DLC1: variants seen among roughly 807,000 people sequenced by gnomAD.
DLC1 encodes DLC1 Rho GTPase activating protein.
In DLC1, 54 loss-of-function variants were observed where a neutral mutation model predicts 140.3. That is an observed-to-expected ratio of 0.38 (90% CI 0.31 to 0.48). The LOEUF (loss-of-function observed/expected upper bound fraction) is 0.48, where lower values mean the gene tolerates loss of function less well. Ranked by LOEUF, DLC1 falls within the 20% of genes least tolerant of loss-of-function variation. DLC1 has a pLI of 0.96. For synonymous variants in DLC1, 986 were observed against 728.1 expected, an observed-to-expected ratio of 1.35 and a Z score of -5.70; for missense variants, 2,536 against 1,907.0, an observed-to-expected ratio of 1.33 and a Z score of -6.14.
chr8:13,308,410 A>G (rs1832543086), intron 4 of DLC1, among the ~76,000 whole-genome samples: 1 of 152,208 alleles, frequency 6.6e-6, no homozygotes, highest in Non-Finnish European at 1.5e-5. Flanking sequence ...CATAGTGATA[A>G]CAGGTGGATA....
intron 5 of DLC1, among the ~76,000 whole-genome samples, chr8:13,159,457 G>A (rs886562935): frequency 6.6e-6 from 1 of 152,176 alleles, no homozygotes; most frequent in African/African-American, 2.4e-5. Flanking sequence ...TTTTCCAAGG[G>A]TGGAGAGAGG....
chr8:13,270,516 A>G (rs2117378512), intron 5 of DLC1, among the ~76,000 whole-genome samples: 1 of 152,228 alleles, frequency 6.6e-6, no homozygotes, highest in East Asian at 1.9e-4. Flanking sequence ...GCAGGTCCCA[A>G]CGTGCTTAGG....
chr8:13,457,440 A>G (rs1799445867), intron 2 of DLC1, among the ~76,000 whole-genome samples: 1 of 152,052 alleles, frequency 6.6e-6, no homozygotes, highest in Non-Finnish European at 1.5e-5. Flanking sequence ...GCACTTTGAG[A>G]GGCCGAGGCA....
At chr8:13,114,488 A>G (rs1470128523) in intron 6 of DLC1, among the ~76,000 whole-genome samples, 1 of 152,250 alleles carries the variant, frequency 6.6e-6, no homozygotes, top group Non-Finnish European at 1.5e-5. Context: ...GGCACTGATA[A>G]GAAAATGAGA....
At chr8:13,098,129 G>A (rs571161573) in intron 10 of DLC1, among the ~76,000 whole-genome samples, 1 of 151,750 alleles carries the variant, frequency 6.6e-6, no homozygotes, top group South Asian at 2.1e-4. Flanking sequence ...GGAGCCTCAG[G>A]TGGGAGAATC....
chr8:13,593,845 A>G (rs536071837), intron 1 of DLC1, among the ~76,000 whole-genome samples: 4 of 152,286 alleles, frequency 2.6e-5, no homozygotes, highest in Admixed American at 2.0e-4. Context: ...GATTTCATCT[A>G]TGTGGGTGTT....
chr8:13,122,029 C>T (rs1390986783), intron 5 of DLC1, among the ~76,000 whole-genome samples: 5 of 152,120 alleles, frequency 3.3e-5, no homozygotes, highest in Admixed American at 6.5e-5. Context: ...GACTTTTTCA[C>T]CCTTGGATTA....
intron 5 of DLC1, among the ~76,000 whole-genome samples, chr8:13,260,758 G>A (rs1166755667): frequency 3.3e-5 from 5 of 152,120 alleles, no homozygotes; most frequent in Non-Finnish European, 7.3e-5. Flanking sequence ...ATAATTTAGA[G>A]ATAGCTTAAG....
intron 5 of DLC1, among the ~76,000 whole-genome samples, chr8:13,163,982 G>A (rs576085014): frequency 4.6e-4 from 70 of 151,510 alleles, no homozygotes; most frequent in Non-Finnish European, 8.2e-4. Context: ...CAGCCTGGAT[G>A]ACAGAGGAGA....
intron 5 of DLC1, among the ~76,000 whole-genome samples, chr8:13,264,678 G>A (rs1388444031): frequency 3.3e-5 from 5 of 152,116 alleles, no homozygotes; most frequent in Non-Finnish European, 5.9e-5. Flanking sequence ...TAAGTTAGTG[G>A]TAGATACATG....
chr8:13,446,128 T>TC (rs955321601), intron 2 of DLC1, among the ~76,000 whole-genome samples: 10 of 151,736 alleles, frequency 6.6e-5, no homozygotes, highest in Non-Finnish European at 1.0e-4. Flanking sequence ...CAAAGAACTC[T>TC]CCCCCCCTCT....
intron 5 of DLC1, chr8:13,116,324 G>C (rs1360019184): frequency 1.3e-6 from 1 of 773,078 alleles, no homozygotes; most frequent in African/African-American, 1.9e-5. Flanking sequence ...AGATAGAATC[G>C]ATAAACAGAA....
At chr8:13,470,040 T>C (rs1164428567) in intron 2 of DLC1, among the ~76,000 whole-genome samples, 2 of 152,168 alleles carry the variant, frequency 1.3e-5, no homozygotes. Flanking sequence ...TAACAATAAA[T>C]TCCCTTGTGC....
intron 2 of DLC1, among the ~76,000 whole-genome samples, chr8:13,452,010 C>T (rs1194375926): frequency 1.3e-5 from 2 of 151,998 alleles, no homozygotes; most frequent in Non-Finnish European, 2.9e-5. Flanking sequence ...GTTCTATTGG[C>T]TATTTTTTTA....
chr8:13,177,077 T>C (rs1025441535), intron 5 of DLC1, among the ~76,000 whole-genome samples: 2 of 152,236 alleles, frequency 1.3e-5, no homozygotes, highest in Admixed American at 6.5e-5. Context: ...ACCAAGTGTT[T>C]ACATTTCTTA....
chr8:13,156,621 G>A (rs950694477), intron 5 of DLC1, among the ~76,000 whole-genome samples: 1 of 152,164 alleles, frequency 6.6e-6, no homozygotes, highest in Non-Finnish European at 1.5e-5. Flanking sequence ...CTGGTTAGGG[G>A]GAGGAAAGGG....
chr8:13,420,667 G>T (rs543236903), intron 2 of DLC1, among the ~76,000 whole-genome samples: 1 of 152,142 alleles, frequency 6.6e-6, no homozygotes, highest in East Asian at 1.9e-4. Flanking sequence ...TTGGTTTTCT[G>T]TTCCTGAGTT....
intron 5 of DLC1, among the ~76,000 whole-genome samples, chr8:13,122,480 TGAA>T (rs1821175764): frequency 6.6e-6 from 1 of 150,734 alleles, no homozygotes; most frequent in Non-Finnish European, 1.5e-5. Flanking sequence ...GAGGTTGGTG[TGAA>T]GAAGGAAAAG....
At chr8:13,558,339 G>C (rs925281853) in intron 1 of DLC1, 2 of 152,152 alleles carry the variant, frequency 1.3e-5, no homozygotes, top group Admixed American at 6.5e-5. Context: ...CCGCCAGTTT[G>C]GGGATGTGTA....
Sources: gnomAD v4.1 joint callset for allele counts (sites outside exome capture counted in the v4.1 genomes callset) on GRCh38, gnomAD v4.1.1 for gene constraint, MANE v1.5 for transcripts, NCBI Gene and HGNC (gene_info 2026-07-23, HGNC 2026-07-21) for gene names.